Variants in CSMD3 observed in about 807,000 individuals in gnomAD.
CSMD3 encodes the protein CUB and sushi domain-containing protein 3.
A neutral mutation model predicts 435.2 loss-of-function variants in CSMD3; 177 were observed. That is an observed-to-expected ratio of 0.41 (90% confidence interval 0.36 to 0.46). The LOEUF is 0.46. Among genes scored for constraint, CSMD3 ranks in the 20% least tolerant of loss-of-function variants. CSMD3 has a pLI of 0.34. For missense variants in CSMD3, 4,265 were observed against 4,504.6 expected, an observed-to-expected ratio of 0.95 and a Z score of 1.52; for synonymous variants, 1,656 against 1,520.5, an observed-to-expected ratio of 1.09 and a Z score of -2.07.
intron 22 of CSMD3, among the ~76,000 whole-genome samples, chr8:112,623,968 A>C (rs536393012): frequency 6.6e-6 from 1 of 152,144 alleles, no homozygotes; most frequent in Non-Finnish European, 1.5e-5. Flanking sequence ...ATGTTAAGAG[A>C]GCTTAATGAG....
chr8:113,025,691 G>C (rs1390050955), intron 5 of CSMD3, among the ~76,000 whole-genome samples: 2 of 152,108 alleles, frequency 1.3e-5, no homozygotes, highest in African/African-American at 4.8e-5. Flanking sequence ...AGCCACCACT[G>C]GGTTGAATGT....
At chr8:112,283,930 T>C (rs1818912882) in intron 58 of CSMD3, among the ~76,000 whole-genome samples, 1 of 151,922 alleles carries the variant, frequency 6.6e-6, no homozygotes. Context: ...TAATAAATGC[T>C]TGTGGTGATG....
intron 32 of CSMD3, among the ~76,000 whole-genome samples, chr8:112,422,903 T>A (rs986674432): frequency 6.6e-6 from 1 of 152,206 alleles, no homozygotes; most frequent in Non-Finnish European, 1.5e-5. Context: ...GATGATAGAA[T>A]ATCAATGTGG....
intron 41 of CSMD3, among the ~76,000 whole-genome samples, chr8:112,342,991 ATATATATATTTATATATATATATATT>A (rs1825296320): frequency 2.4e-5 from 1 of 41,090 alleles, no homozygotes; most frequent in African/African-American, 6.0e-5. Flanking sequence ...ATATATTTAT[ATATATATATTTATATATATATATATT>A]TATATATATA....
rs139648321 is a variant in CSMD3, at chr8:113,009,476, A to G, written c.1030+9591T>C. Reference sequence around the variant, plus strand: ...AATCTCTATTTCACTCTGTTTTCCAATCTTAGCTTCTATGGCCATTTCCTG... The same window carrying G: ...AATCTCTATTTCACTCTGTTTTCCAGTCTTAGCTTCTATGGCCATTTCCTG... On this transcript the variant is annotated intron_variant, in intron 6 of 70. Transcript: ENST00000297405. Among the ~76,000 whole-genome samples the G allele has an allele frequency of 3.3e-3, 505 of 151,868 alleles. 3 individuals are homozygous for G. The highest frequency in any genetic ancestry group is 0.01 in the African/African-American group (433 of 41,500).
At chr8:112,699,294 C>T (rs1014928385) in intron 13 of CSMD3, among the ~76,000 whole-genome samples, 17 of 152,088 alleles carry the variant, frequency 1.1e-4, no homozygotes, top group African/African-American at 3.1e-4. Context: ...GAAGAAACTC[C>T]GGACACGTCT....
intron 13 of CSMD3, among the ~76,000 whole-genome samples, chr8:112,729,031 A>T (rs2077023738): frequency 6.6e-6 from 1 of 152,008 alleles, no homozygotes; most frequent in Admixed American, 6.6e-5. Context: ...TGACATTTTT[A>T]TTTTTGTTAA....
intron 35 of CSMD3, among the ~76,000 whole-genome samples, chr8:112,403,490 G>A (rs565818777): frequency 2.0e-5 from 3 of 152,244 alleles, no homozygotes; most frequent in African/African-American, 4.8e-5. Flanking sequence ...CAACAGAAAT[G>A]TATTTCTTAG....
intron 70 of CSMD3, among the ~76,000 whole-genome samples, chr8:112,226,546 G>GA (rs1188429997): frequency 1.3e-5 from 2 of 151,348 alleles, no homozygotes; most frequent in African/African-American, 4.9e-5. Flanking sequence ...CAAGTAAGAG[G>GA]AAAAAAAATA....
chr8:113,019,552 TTTA>T (rs1440072256), intron 5 of CSMD3, among the ~76,000 whole-genome samples: 8 of 148,576 alleles, frequency 5.4e-5, no homozygotes, highest in African/African-American at 2.0e-4. Context: ...TTATATCTTA[TTTA>T]TTATTTATTA....
intron 1 of CSMD3, among the ~76,000 whole-genome samples, chr8:113,365,787 G>A (rs1368486792): frequency 6.6e-6 from 1 of 151,994 alleles, no homozygotes; most frequent in African/African-American, 2.4e-5. Flanking sequence ...TGAGAGTGTC[G>A]TTCTGTTATA....
In CSMD3 at chr8:113,436,889, C is replaced by A. The variant is rs2130160631; in HGVS notation, c.-35G>T. 6.2e-7 allele frequency: 1 copy of A among 1,611,660 alleles called. No homozygotes were observed. The highest frequency in any genetic ancestry group is 8.5e-7 in the Non-Finnish European group (1 of 1,178,866). On this transcript the variant is annotated 5_prime_UTR_variant, in exon 1 of 71. Transcript: ENST00000297405. Reference sequence around the variant, plus strand: ...GAGCTCCTAATTCCTGCTCCTCAGCCCGGCGCAGTGGAGTTGTTGCTGTTG... The same window carrying A: ...GAGCTCCTAATTCCTGCTCCTCAGCACGGCGCAGTGGAGTTGTTGCTGTTG...
chr8:112,306,003 A>G lies in CSMD3; in HGVS notation c.8071+4T>C. On this transcript the variant is annotated splice_donor_region_variant and intron_variant, in intron 51 of 70. Transcript: ENST00000297405. Reference sequence around the variant, plus strand: ...AAGTGATGAAATTCCCTTGACACACATACCAACACAGCGAGGGGTCTTGTT... The same window carrying G: ...AAGTGATGAAATTCCCTTGACACACGTACCAACACAGCGAGGGGTCTTGTT... The G allele has an allele frequency of 6.2e-7, 1 of 1,612,134 alleles. No individual in the cohort carries two copies. The highest frequency in any genetic ancestry group is 8.5e-7 in the Non-Finnish European group (1 of 1,178,242).
At chr8:112,912,405 A>G (rs2082448363) in intron 10 of CSMD3, among the ~76,000 whole-genome samples, 2 of 151,676 alleles carry the variant, frequency 1.3e-5, no homozygotes, top group Non-Finnish European at 2.9e-5. Context: ...TCTTTTCTCC[A>G]TATCCTCACC....
At chr8:112,788,946 T>C (rs2078620554) in intron 13 of CSMD3, among the ~76,000 whole-genome samples, 1 of 152,166 alleles carries the variant, frequency 6.6e-6, no homozygotes, top group Admixed American at 6.6e-5. Context: ...TCATGAGTCA[T>C]GCTTAAAAGC....
In CSMD3 at chr8:113,220,741, A is replaced by G. The variant is rs191104655; in HGVS notation, c.515-46825T>C. Reference sequence around the variant, plus strand: ...TTTGCATGGCCTGAAAATGTTTTTTAGCAGACAGTTTATTAATTGCAAAGG... The same window carrying G: ...TTTGCATGGCCTGAAAATGTTTTTTGGCAGACAGTTTATTAATTGCAAAGG... On this transcript the variant is annotated intron_variant, in intron 3 of 70. Transcript: ENST00000297405. Among the ~76,000 whole-genome samples, 7 of 151,428 alleles carry G rather than the reference A, an allele frequency of 4.6e-5. No homozygotes were observed. In the East Asian group the frequency reaches 1.4e-3, roughly 30 times the overall value.
chr8:113,315,431 T>G (rs1563689360), intron 1 of CSMD3, among the ~76,000 whole-genome samples: 1 of 151,952 alleles, frequency 6.6e-6, no homozygotes, highest in Non-Finnish European at 1.5e-5. Flanking sequence ...AAAAATACGT[T>G]AAATAAATGG....
intron 3 of CSMD3, among the ~76,000 whole-genome samples, chr8:113,179,819 T>TAAA (rs59927532): frequency 2.0e-5 from 3 of 151,354 alleles, no homozygotes; most frequent in African/African-American, 7.3e-5. Flanking sequence ...AAGAAATTTT[T>TAAA]AAAAAAAAGT....
chr8:112,408,346 T>G lies in CSMD3; in HGVS notation c.5577A>C (p.Thr1859=). 2 of 1,610,092 alleles carry G rather than the reference T, an allele frequency of 1.2e-6. No individual in the cohort carries two copies. Among genetic ancestry groups the G allele is most frequent in the Non-Finnish European group, 1.7e-6 (2 of 1,176,706 alleles). ...GGTAAACAAAGTGAAATCCCTTAGC[T>G]GTTATTGGTCCAACTGAAGTAAATC... ...TIRFTSVGPI[T]AKGFHFVYQA... is the part of the protein sequence containing the mutation. The change falls in exon 34 of 71, where the codon ACA becomes ACC. Residue 1859 remains threonine (T), a synonymous_variant. Transcript: ENST00000297405.
Sources: allele counts gnomAD v4.1 joint callset (sites outside exome capture counted in the v4.1 genomes callset), GRCh38; gene constraint gnomAD v4.1.1; transcripts MANE v1.5; gene names NCBI Gene and HGNC (gene_info 2026-07-23, HGNC 2026-07-21).